Variants in STT3B observed in about 807,000 individuals in gnomAD.
STT3B encodes STT3 oligosaccharyltransferase complex catalytic subunit B.
STT3B carries 29 observed loss-of-function variants against 96.8 expected under a neutral mutation model. The observed-to-expected ratio is 0.30, with a 90% confidence interval of 0.22 to 0.41. The LOEUF (loss-of-function observed/expected upper bound fraction) is 0.41. Among genes scored for constraint, STT3B ranks in the 10% least tolerant of loss-of-function variants. The probability of loss-of-function intolerance (pLI) is 1.00; values close to 1 mark genes in which losing one functional copy is unlikely to be tolerated. For synonymous variants in STT3B, 367 were observed against 360.0 expected, an observed-to-expected ratio of 1.02 and a Z score of -0.22; for missense variants, 640 against 1,022.3, an observed-to-expected ratio of 0.63 and a Z score of 5.10.
chr3:31,538,273 A>G (rs544685562), intron 1 of STT3B, among the ~76,000 whole-genome samples: 2 of 152,296 alleles, frequency 1.3e-5, no homozygotes, highest in East Asian at 3.9e-4. Flanking sequence ...AAGAGGATTT[A>G]TTTCTACATA....
intron 1 of STT3B, among the ~76,000 whole-genome samples, chr3:31,555,547 T>C (rs1245112921): frequency 6.6e-6 from 1 of 152,136 alleles, no homozygotes; most frequent in African/African-American, 2.4e-5. Context: ...CCCTGATTGC[T>C]GGGAAACTAA....
intron 3 of STT3B, 106 bp from the exon 4 acceptor site, chr3:31,596,692 T>C: frequency 1.3e-6 from 1 of 792,578 alleles, no homozygotes. Flanking sequence ...TTTTTTAGAA[T>C]AACCTTGACT....
At chr3:31,588,107 A>C (rs897332087) in intron 3 of STT3B, among the ~76,000 whole-genome samples, 1 of 152,096 alleles carries the variant, frequency 6.6e-6, no homozygotes. Flanking sequence ...AGCTTTCCAC[A>C]TCCCAAGCAC....
intron 1 of STT3B, among the ~76,000 whole-genome samples, chr3:31,542,483 A>G (rs1192734600): frequency 6.6e-6 from 1 of 152,218 alleles, no homozygotes; most frequent in Non-Finnish European, 1.5e-5. Flanking sequence ...TTTGTTGAAG[A>G]AAAATTTAAA....
chr3:31,617,725 G>T (rs1485330926), intron 7 of STT3B, among the ~76,000 whole-genome samples: 2 of 152,066 alleles, frequency 1.3e-5, no homozygotes, highest in Admixed American at 1.3e-4. Flanking sequence ...TGTTTCTCTG[G>T]AAGTGGGTTC....
At chr3:31,570,190 AG>A (rs1227256095) in intron 1 of STT3B, among the ~76,000 whole-genome samples, 1 of 152,228 alleles carries the variant, frequency 6.6e-6, no homozygotes, top group Non-Finnish European at 1.5e-5. Flanking sequence ...AGAAGGGAAT[AG>A]AAGACAAAAA....
chr3:31,597,758 T>G (rs1476392210), intron 4 of STT3B, among the ~76,000 whole-genome samples: 1 of 152,140 alleles, frequency 6.6e-6, no homozygotes, highest in African/African-American at 2.4e-5. Flanking sequence ...CGTGCCTGTT[T>G]TTTAACTTTT....
intron 12 of STT3B, among the ~76,000 whole-genome samples, 164 bp downstream of exon 12, chr3:31,625,249 A>T (rs886707405): frequency 1.3e-5 from 2 of 152,140 alleles, no homozygotes; most frequent in African/African-American, 4.8e-5. Context: ...AGGTGTGCTT[A>T]TTTTGTTTTT....
At chr3:31,553,389 G>A (rs2125441180) in intron 1 of STT3B, among the ~76,000 whole-genome samples, 1 of 152,256 alleles carries the variant, frequency 6.6e-6, no homozygotes, top group Non-Finnish European at 1.5e-5. Context: ...CCCTTCAGAA[G>A]GGGAATGGAT....
intron 3 of STT3B, among the ~76,000 whole-genome samples, chr3:31,583,216 G>T (rs893730930): frequency 1.3e-5 from 2 of 152,024 alleles, no homozygotes; most frequent in African/African-American, 4.8e-5. Flanking sequence ...CTGTTATCAG[G>T]TACATAAATG....
chr3:31,533,497 C>G (rs987252230), intron 1 of STT3B, 185 bp downstream of exon 1: 4 of 701,742 alleles, frequency 5.7e-6, no homozygotes, highest in Middle Eastern at 4.8e-4. Flanking sequence ...AAGTTTGCCC[C>G]GTGCAGCCTG....
chr3:31,577,120 A>G (rs915228253), intron 2 of STT3B, among the ~76,000 whole-genome samples: 1 of 152,104 alleles, frequency 6.6e-6, no homozygotes, highest in African/African-American at 2.4e-5. Context: ...AGGCTTATTC[A>G]TTTTATTAGG....
intron 14 of STT3B, among the ~76,000 whole-genome samples, chr3:31,632,054 C>A (rs1699673746): frequency 6.6e-6 from 1 of 151,770 alleles, no homozygotes; most frequent in South Asian, 2.1e-4. Flanking sequence ...CAAGATCTTG[C>A]TATGTTGCCC....
At chr3:31,565,887 A>G (rs1224842846) in intron 1 of STT3B, among the ~76,000 whole-genome samples, 6 of 152,218 alleles carry the variant, frequency 3.9e-5, no homozygotes, top group Non-Finnish European at 8.8e-5. Context: ...TAGAAAGGGC[A>G]TAAGCTTTAA....
chr3:31,584,575 T>C (rs1158979043), intron 3 of STT3B, among the ~76,000 whole-genome samples: 1 of 152,198 alleles, frequency 6.6e-6, no homozygotes, highest in Non-Finnish European at 1.5e-5. Flanking sequence ...GTTGATAATC[T>C]AGTAGAAGAA....
chr3:31,606,983 G>C (rs1037050154), intron 5 of STT3B, among the ~76,000 whole-genome samples: 2 of 152,170 alleles, frequency 1.3e-5, no homozygotes, highest in African/African-American at 2.4e-5. Context: ...AGTCAAGGGA[G>C]ATCATTTTGG....
At position 31,579,881 on chromosome 3, in the gene STT3B, A is replaced by G. The variant is rs1698346017; in HGVS notation, c.496A>G (p.Ile166Val). The change falls in exon 3 of 16, where the codon ATA (isoleucine) becomes GTA (valine). Residue 166 changes from isoleucine to valine, a missense_variant. Physicochemically the swap from Ile to Val is conservative, Grantham distance 29. This residue lies in a region of STT3B where 267 missense variants were observed against 388.3 expected (regional missense o/e 0.69). Transcript: ENST00000295770. ...ILNTLNITVH[I>V]RDVCVFLAPT... is the part of the protein sequence containing the mutation. Reference sequence around the variant, plus strand: ...AAATACATTGAACATAACTGTTCACATAAGAGACGTATGTGTGTTCCTTGC... The same window carrying G: ...AAATACATTGAACATAACTGTTCACGTAAGAGACGTATGTGTGTTCCTTGC... The G allele has an allele frequency of 1.2e-6, 2 of 1,613,768 alleles. No homozygotes were observed. The highest frequency in any genetic ancestry group is 1.7e-5 in the Admixed American group (1 of 60,014).
chr3:31,611,530 G>A lies in STT3B; in HGVS notation c.878-3575G>A, dbSNP rs183171281. Among the ~76,000 whole-genome samples, 48 of 152,134 alleles carry A rather than the reference G, an allele frequency of 3.2e-4. No individual in the cohort carries two copies. The East Asian group carries it at 7.1e-3, about 23-fold the overall frequency. On this transcript the variant is annotated intron_variant, in intron 5 of 15. Coordinates refer to ENST00000295770, the MANE Select transcript of STT3B (RefSeq NM_178862.3). ...TTTATTTATTTTGAGATGGAGTTTC[G>A]CTTTTGTTGCCCAGGCTGGAGTGCA...
At chr3:31,541,873 G>A (rs894497054) in intron 1 of STT3B, among the ~76,000 whole-genome samples, 2 of 152,162 alleles carry the variant, frequency 1.3e-5, no homozygotes, top group African/African-American at 4.8e-5. Flanking sequence ...ACCACGCCCG[G>A]CATTTCAGCA....
Sources: allele counts gnomAD v4.1 joint callset (sites outside exome capture counted in the v4.1 genomes callset), GRCh38; gene constraint gnomAD v4.1.1; regional missense constraint gnomAD v4.1.1; transcripts MANE v1.5; gene names NCBI Gene and HGNC (gene_info 2026-07-23, HGNC 2026-07-21).